FARS2: variants seen among roughly 807,000 people sequenced by gnomAD.
The protein encoded by FARS2 is phenylalanine--tRNA ligase, mitochondrial.
Under a neutral mutation model 46.4 loss-of-function variants are expected in FARS2, and 40 were observed. The observed-to-expected ratio is 0.86, with a 90% CI of 0.67 to 1.12. FARS2 has a LOEUF of 1.12. FARS2 is among the 50% of genes most tolerant of loss of function. The pLI is 0.00. For missense variants in FARS2, 513 were observed against 567.9 expected (o/e 0.90, Z 0.98); for synonymous variants, 234 against 214.9 (o/e 1.09, Z -0.78).
intron 5 of FARS2, among the ~76,000 whole-genome samples, chr6:5,569,047 C>A (rs1341243533): frequency 6.6e-6 from 1 of 151,586 alleles, no homozygotes; most frequent in African/African-American, 2.4e-5. Context: ...AACTGTGTTG[C>A]ATGTCTCGGT....
At chr6:5,326,793 G>A (rs1253344364) in intron 1 of FARS2, among the ~76,000 whole-genome samples, 1 of 152,116 alleles carries the variant, frequency 6.6e-6, no homozygotes. Context: ...TGGGGAGCAT[G>A]AGGTAGTTGT....
At chr6:5,266,317 T>C (rs1051871990) in intron 1 of FARS2, among the ~76,000 whole-genome samples, 1 of 152,114 alleles carries the variant, frequency 6.6e-6, no homozygotes, top group African/African-American at 2.4e-5. Flanking sequence ...AATCCTGATA[T>C]GATTTGAGTT....
intron 3 of FARS2, among the ~76,000 whole-genome samples, chr6:5,417,580 T>G (rs975823507): frequency 2.6e-5 from 4 of 152,210 alleles, no homozygotes; most frequent in African/African-American, 9.7e-5. Flanking sequence ...TTGCCCTGTT[T>G]CCTGTGAGAA....
chr6:5,597,570 C>T (rs1341574234), intron 5 of FARS2, among the ~76,000 whole-genome samples: 1 of 152,214 alleles, frequency 6.6e-6, no homozygotes, highest in African/African-American at 2.4e-5. Flanking sequence ...TCTCCAGCAG[C>T]ACTCCAAACT....
At chr6:5,358,561 C>T (rs1301353026) in intron 1 of FARS2, among the ~76,000 whole-genome samples, 2 of 151,880 alleles carry the variant, frequency 1.3e-5, no homozygotes, top group East Asian at 3.9e-4. Flanking sequence ...ATTTTTTTCC[C>T]TGATATGTTT....
intron 6 of FARS2, among the ~76,000 whole-genome samples, chr6:5,688,002 G>A (rs1409757906): frequency 1.3e-5 from 2 of 152,108 alleles, no homozygotes; most frequent in African/African-American, 4.8e-5. Context: ...CTCTCTGTTT[G>A]TCTGTTATTG....
chr6:5,458,913 C>A (rs1173208397), intron 4 of FARS2, among the ~76,000 whole-genome samples: 1 of 152,160 alleles, frequency 6.6e-6, no homozygotes. Flanking sequence ...TGCCATTCTA[C>A]CCTGAAGATA....
chr6:5,272,175 A>G (rs966367443), intron 1 of FARS2, among the ~76,000 whole-genome samples: 6 of 152,180 alleles, frequency 3.9e-5, no homozygotes, highest in Admixed American at 3.3e-4. Context: ...CTCAGTTACC[A>G]CAAGATCACG....
At chr6:5,418,149 A>G (rs1041970890) in intron 3 of FARS2, among the ~76,000 whole-genome samples, 7 of 151,940 alleles carry the variant, frequency 4.6e-5, no homozygotes, top group Admixed American at 2.0e-4. Context: ...ATTTTAACAC[A>G]TTTTTTCCTA....
Position 5,609,823 on chromosome 6 carries a change from T to A in FARS2, c.1066-3346T>A, listed in dbSNP as rs1775070404. The A allele has an allele frequency of 3.5e-6, 4 of 1,150,276 alleles. No homozygotes were observed. The Admixed American group carries it at 5.1e-5, about 15-fold the overall frequency. The allele number at this position is 1,150,276 out of a possible 1,614,324, so 71.3% of individuals were successfully genotyped here. A position where few individuals can be genotyped will look rare whatever the true frequency, so the allele number is the denominator to read the frequency against. On this transcript the variant is annotated intron_variant, in intron 5 of 6. Coordinates refer to ENST00000274680, the MANE Select transcript of FARS2 (RefSeq NM_006567.5). The stretch of plus-strand genomic sequence containing the variant: ...TTTTTCCAAACTGTTCAAAATAATC[T>A]CTTCAAAATAATCTCTTAGGTGATG...
intron 5 of FARS2, among the ~76,000 whole-genome samples, chr6:5,594,586 G>A (rs759372567): frequency 6.6e-6 from 1 of 152,188 alleles, no homozygotes; most frequent in Non-Finnish European, 1.5e-5. Context: ...TTATCATGGA[G>A]GTAGATGGCA....
At chr6:5,403,155 A>C (rs577770258) in intron 2 of FARS2, among the ~76,000 whole-genome samples, 2 of 152,222 alleles carry the variant, frequency 1.3e-5, no homozygotes, top group Non-Finnish European at 2.9e-5. Context: ...TTTGAGGCCT[A>C]GGATATTAGA....
intron 4 of FARS2, chr6:5,466,639 T>G: frequency 2.0e-6 from 2 of 985,408 alleles, no homozygotes; most frequent in Non-Finnish European, 2.4e-6. Flanking sequence ...CACTGAGAGC[T>G]CATTCTCAGG....
intron 1 of FARS2, among the ~76,000 whole-genome samples, chr6:5,339,453 G>A (rs1229938866): frequency 6.6e-6 from 1 of 151,310 alleles, no homozygotes; most frequent in South Asian, 2.1e-4. Flanking sequence ...TTTTGAGACG[G>A]AGTCTCACCT....
At chr6:5,378,213 C>T (rs997844235) in intron 2 of FARS2, among the ~76,000 whole-genome samples, 2 of 151,970 alleles carry the variant, frequency 1.3e-5, no homozygotes, top group African/African-American at 2.4e-5. Flanking sequence ...ATTTTAGGAG[C>T]GTAGAAGGAT....
chr6:5,608,406 T>C (rs1314272132), intron 5 of FARS2, among the ~76,000 whole-genome samples: 1 of 152,168 alleles, frequency 6.6e-6, no homozygotes, highest in Non-Finnish European at 1.5e-5. Flanking sequence ...CAGTTTAAGT[T>C]TTCTGTTTTG....
intron 2 of FARS2, among the ~76,000 whole-genome samples, chr6:5,395,715 G>A (rs570791806): frequency 2.5e-4 from 38 of 152,308 alleles, no homozygotes; most frequent in African/African-American, 8.7e-4. Context: ...AACACTGTGT[G>A]CTTATAATAA....
chr6:5,566,052 G>A (rs1471009605), intron 5 of FARS2, among the ~76,000 whole-genome samples: 1 of 152,174 alleles, frequency 6.6e-6, no homozygotes, highest in Non-Finnish European at 1.5e-5. Context: ...GGGCAGATTA[G>A]TGTCTTAAGA....
intron 5 of FARS2, among the ~76,000 whole-genome samples, chr6:5,596,991 A>G (rs1774237734): frequency 1.3e-5 from 2 of 152,174 alleles, no homozygotes; most frequent in South Asian, 2.1e-4. Context: ...TGGTCAGGTG[A>G]CAATGTGTGA....
Sources: gnomAD v4.1 joint callset for allele counts (sites outside exome capture counted in the v4.1 genomes callset) on GRCh38, gnomAD v4.1.1 for gene constraint, MANE v1.5 for transcripts, NCBI Gene and HGNC (gene_info 2026-07-23, HGNC 2026-07-21) for gene names.